The following RNF8 variants were observed in gnomAD, a reference collection of about 807,000 sequenced individuals.
The protein encoded by RNF8 is ring finger protein 8.
Under a neutral mutation model 59.3 loss-of-function variants are expected in RNF8, and 8 were observed. The observed-to-expected ratio is 0.13, with a 90% CI of 0.08 to 0.24. The LOEUF is 0.24. Ranked by LOEUF, RNF8 falls within the 10% of genes least tolerant of loss-of-function variation. RNF8 has a pLI of 1.00. For missense variants in RNF8, 406 were observed against 572.6 expected (o/e 0.71, Z 2.97); for synonymous variants, 162 against 200.0 (o/e 0.81, Z 1.60).
rs370838571 is a variant in RNF8 at position 37,362,533 on chromosome 6, C to G, written c.240+1959C>G. Among the ~76,000 whole-genome samples, 81 of 152,268 alleles carry G rather than the reference C, an allele frequency of 5.3e-4. No homozygotes were observed. In the South Asian group the frequency reaches 0.014, roughly 27 times the overall value. ...ATAACTGATTTAATTTTAAGAGAAG[C>G]TAGGACTGGGGTGTTTTGATGGAAC... On this transcript the variant is annotated intron_variant, in intron 2 of 7. Coordinates refer to ENST00000373479, the MANE Select transcript of RNF8 (RefSeq NM_003958.4).
chr6:37,384,131 ATT>A (rs70977654), intron 7 of RNF8, among the ~76,000 whole-genome samples: 120 of 123,990 alleles, frequency 9.7e-4, no homozygotes, highest in African/African-American at 3.1e-3. Context: ...CCTTGCTACT[ATT>A]TTTTTTTTTT....
Position 37,368,788 on chromosome 6 carries a change from A to T in RNF8, c.545A>T (p.Glu182Val). 1 of 1,614,192 alleles carries T rather than the reference A, an allele frequency of 6.2e-7. No homozygotes were observed. Among genetic ancestry groups the T allele is most frequent in the Non-Finnish European group, 8.5e-7 (1 of 1,180,040 alleles). The change falls in exon 3 of 8, where the codon GAA (glutamate) becomes GTA (valine). Residue 182 changes from glutamate to valine, a missense_variant. Around this residue, in one of 3 missense-constraint regions of RNF8, gnomAD observed 285 missense variants for 342.0 expected, o/e 0.83. Coordinates refer to ENST00000373479, the MANE Select transcript of RNF8 (RefSeq NM_003958.4). ...TCCAAAATAAATAAAGTGTCTTGTG[A>T]ATCTGGTCAGCCAGTGAAATCACAG... ...LKSKINKVSC[E>V]SGQPVKSQGK...
intron 2 of RNF8, among the ~76,000 whole-genome samples, chr6:37,362,483 C>G (rs1769364137): frequency 6.9e-6 from 1 of 145,042 alleles, no homozygotes; most frequent in Admixed American, 7.1e-5. Flanking sequence ...CCTGTTTAAA[C>G]TTTTTAGCTG....
chr6:37,386,429 C>T (rs1370416068), intron 7 of RNF8, among the ~76,000 whole-genome samples: 1 of 152,164 alleles, frequency 6.6e-6, no homozygotes, highest in East Asian at 1.9e-4. Context: ...TACCGCCCTG[C>T]AGGCACCCGG....
chr6:37,368,847 A>T lies in RNF8; in HGVS notation c.604A>T (p.Asn202Tyr). Residue 202 changes from asparagine (N) to tyrosine (Y), a missense_variant, in exon 3 of 8, where the codon AAT becomes TAT. Transcript: ENST00000373479. The stretch of plus-strand genomic sequence containing the variant: ...TGAAGTGGCCAGTACACCCTCTGAC[A>T]ATTTGGATCCTAAGTTGACTGCCCT... Reference protein sequence around the residue: ...KGEVASTPSDNLDPKLTALEP... With the variant: ...KGEVASTPSDYLDPKLTALEP... 1 of 1,614,062 alleles carries T rather than the reference A, an allele frequency of 6.2e-7. No homozygotes were observed. Among genetic ancestry groups the T allele is most frequent in the South Asian group, 1.1e-5 (1 of 91,070 alleles).
intron 6 of RNF8, among the ~76,000 whole-genome samples, chr6:37,379,104 C>T (rs1055556761): frequency 6.6e-6 from 1 of 152,138 alleles, no homozygotes; most frequent in African/African-American, 2.4e-5. Flanking sequence ...GCAGCCTCCT[C>T]CTCTTGGGTT....
At chr6:37,378,555 C>T (rs921460910) in intron 6 of RNF8, among the ~76,000 whole-genome samples, 38 of 147,102 alleles carry the variant, frequency 2.6e-4, no homozygotes, top group African/African-American at 8.7e-4. Flanking sequence ...GAGCTGATAT[C>T]GCACCACTGC....
chr6:37,382,086 C>G (rs898539894), intron 7 of RNF8, among the ~76,000 whole-genome samples: 1 of 152,148 alleles, frequency 6.6e-6, no homozygotes, highest in African/African-American at 2.4e-5. Flanking sequence ...TCCCATCACT[C>G]CATAAGCATT....
At chr6:37,382,712 G>A (rs1245486337) in intron 7 of RNF8, among the ~76,000 whole-genome samples, 2 of 152,188 alleles carry the variant, frequency 1.3e-5, no homozygotes, top group Non-Finnish European at 2.9e-5. Flanking sequence ...GGGCACGGTG[G>A]CTCATGCCTG....
intron 3 of RNF8, among the ~76,000 whole-genome samples, chr6:37,370,653 A>T (rs1470586435): frequency 2.7e-5 from 4 of 149,978 alleles, no homozygotes; most frequent in African/African-American, 7.4e-5. Flanking sequence ...GATTTATCCT[A>T]TCCCCTACTG....
At chr6:37,377,529 T>C (rs1470958771) in intron 6 of RNF8, among the ~76,000 whole-genome samples, 2 of 152,228 alleles carry the variant, frequency 1.3e-5, no homozygotes, top group Non-Finnish European at 2.9e-5. Context: ...TATTTGTTTT[T>C]ATAATCTTCT....
intron 2 of RNF8, among the ~76,000 whole-genome samples, chr6:37,367,955 A>G (rs561225046): frequency 6.6e-6 from 1 of 152,290 alleles, no homozygotes; most frequent in Non-Finnish European, 1.5e-5. Flanking sequence ...GTTGATATTA[A>G]TTGGGTCAGA....
At chr6:37,370,429 G>A (rs1054262648) in intron 3 of RNF8, among the ~76,000 whole-genome samples, 4 of 152,138 alleles carry the variant, frequency 2.6e-5, no homozygotes, top group East Asian at 1.9e-4. Context: ...ATATGTTCAG[G>A]AACAAGTTAC....
At chr6:37,382,744 CCAAGATGGG>C (rs1202848801) in intron 7 of RNF8, among the ~76,000 whole-genome samples, 5 of 152,118 alleles carry the variant, frequency 3.3e-5, no homozygotes, top group African/African-American at 7.2e-5. Flanking sequence ...CTTTGGGAGG[CCAAGATGGG>C]CAGATCACGA....
chr6:37,376,240 G>A (rs1196341627), intron 5 of RNF8, among the ~76,000 whole-genome samples: 3 of 152,070 alleles, frequency 2.0e-5, no homozygotes, highest in African/African-American at 7.2e-5. Flanking sequence ...TGTCCCATCT[G>A]GTCTTGGGTG....
chr6:37,371,492 A>G lies in RNF8; in HGVS notation c.976-20A>G. Reference sequence around the variant, plus strand: ...TCTTTTCCCTGCAGAGAAACCTTCCATTTTGTTTTGGCTTTGCAGGGTTTG... The same window carrying G: ...TCTTTTCCCTGCAGAGAAACCTTCCGTTTTGTTTTGGCTTTGCAGGGTTTG... On this transcript the variant is annotated intron_variant, in intron 3 of 7. Coordinates refer to ENST00000373479, the MANE Select transcript of RNF8 (RefSeq NM_003958.4). The G allele has an allele frequency of 6.2e-7, 1 of 1,611,196 alleles. No individual in the cohort carries two copies. The highest frequency in any genetic ancestry group is 8.5e-7 in the Non-Finnish European group (1 of 1,178,148).
chr6:37,369,035 G>C lies in RNF8; in HGVS notation c.792G>C (p.Gln264His). Residue 264 changes from glutamine to histidine, a missense_variant, in exon 3 of 8, where the codon CAG (glutamine) becomes CAC (histidine). By Grantham distance (24) the Gln-to-His change is conservative. Around this residue, in one of 3 missense-constraint regions of RNF8, gnomAD observed 285 missense variants for 342.0 expected, o/e 0.83. Transcript: ENST00000373479. Reference protein sequence around the residue: ...SRILRLKIQMQEKHEAVMNVK... With the variant: ...SRILRLKIQMHEKHEAVMNVK... ...TTCTGAGGCTCAAAATACAGATGCA[G>C]GAAAAACATGAAGCCGTTATGAATG... 1.2e-6 allele frequency: 2 copies of C among 1,614,180 alleles called. No homozygotes were observed. The highest frequency in any genetic ancestry group is 1.7e-6 in the Non-Finnish European group (2 of 1,180,026).
chr6:37,354,639 C>T (rs1335640932), intron 1 of RNF8, among the ~76,000 whole-genome samples: 1 of 151,796 alleles, frequency 6.6e-6, no homozygotes, highest in Non-Finnish European at 1.5e-5. Flanking sequence ...TCCAGAGAGG[C>T]CTGGGTCAGC....
rs1769275299 is a variant in RNF8 at position 37,360,542 on chromosome 6, C to T, written c.208C>T (p.Pro70Ser). 6.2e-7 allele frequency: 1 copy of T among 1,613,850 alleles called. No individual in the cohort carries two copies. Reference sequence around the variant, plus strand: ...AAACCACTGTGTTTTGAAGCAGAATCCTGAGGGCCAATGGACAATTATGGA... The same window carrying T: ...AAACCACTGTGTTTTGAAGCAGAATTCTGAGGGCCAATGGACAATTATGGA... Reference protein sequence around the residue: ...SRNHCVLKQNPEGQWTIMDNK... With the variant: ...SRNHCVLKQNSEGQWTIMDNK... The change falls in exon 2 of 8, where the codon CCT becomes TCT. Residue 70 changes from proline to serine, a missense_variant. Transcript: ENST00000373479. The surrounding 1 kb of genome is among the most constrained non-coding windows in gnomAD (Gnocchi z 4.2).
Sources: gnomAD v4.1 joint callset for allele counts (sites outside exome capture counted in the v4.1 genomes callset) on GRCh38, gnomAD v4.1.1 for gene constraint, gnomAD v4.1.1 regional missense constraint, Gnocchi (gnomAD v3.1) non-coding constraint, MANE v1.5 for transcripts, NCBI Gene and HGNC (gene_info 2026-07-23, HGNC 2026-07-21) for gene names.